Variants in CAMK1D observed in about 807,000 individuals in gnomAD.
CAMK1D encodes the protein calcium/calmodulin dependent protein kinase ID.
CAMK1D carries 9 observed loss-of-function variants against 47.7 expected under a neutral mutation model. The ratio of observed to expected loss-of-function variants is 0.19; its 90% CI spans 0.11 to 0.33. The LOEUF is 0.33. Among genes scored for constraint, CAMK1D ranks in the 10% least tolerant of loss-of-function variants. CAMK1D has a pLI of 1.00. For missense variants in CAMK1D, 291 were observed against 488.7 expected, an observed-to-expected ratio of 0.60 and a Z score of 3.81; for synonymous variants, 184 against 184.9, an observed-to-expected ratio of 0.99 and a Z score of 0.04.
At chr10:12,486,656 C>T (rs549703467) in intron 1 of CAMK1D, among the ~76,000 whole-genome samples, 17 of 152,208 alleles carry the variant, frequency 1.1e-4, no homozygotes, top group Non-Finnish European at 2.2e-4. Context: ...TTCTCTGTTA[C>T]AAGATTTTAT....
intron 2 of CAMK1D, among the ~76,000 whole-genome samples, chr10:12,567,784 C>T (rs1837170037): frequency 6.6e-6 from 1 of 152,164 alleles, no homozygotes; most frequent in Non-Finnish European, 1.5e-5. Flanking sequence ...AGGGCAAAGC[C>T]ACTTGGTACA....
chr10:12,577,138 G>A (rs1298263289), intron 2 of CAMK1D, among the ~76,000 whole-genome samples: 1 of 152,128 alleles, frequency 6.6e-6, no homozygotes, highest in Non-Finnish European at 1.5e-5. Flanking sequence ...AAGCCCTCTG[G>A]TCACTCACCC....
At chr10:12,779,367 C>A (rs1196318660) in intron 5 of CAMK1D, among the ~76,000 whole-genome samples, 1 of 152,196 alleles carries the variant, frequency 6.6e-6, no homozygotes, top group Non-Finnish European at 1.5e-5. Context: ...ACATCCGTAT[C>A]AATCACGTAA....
intron 3 of CAMK1D, among the ~76,000 whole-genome samples, chr10:12,697,762 C>G (rs1833355311): frequency 6.6e-6 from 1 of 152,152 alleles, no homozygotes; most frequent in South Asian, 2.1e-4. Flanking sequence ...GGTACTTTTC[C>G]TGCATTTCAC....
chr10:12,603,071 C>G (rs1432741541), intron 2 of CAMK1D, among the ~76,000 whole-genome samples: 1 of 151,788 alleles, frequency 6.6e-6, no homozygotes, highest in Non-Finnish European at 1.5e-5. Flanking sequence ...TCACTGCACC[C>G]GGCTAATTTT....
intron 1 of CAMK1D, among the ~76,000 whole-genome samples, chr10:12,358,211 A>G (rs1221422555): frequency 6.6e-6 from 1 of 152,104 alleles, no homozygotes; most frequent in Non-Finnish European, 1.5e-5. Flanking sequence ...GGTGACAGAG[A>G]GAGACCGTGT....
chr10:12,669,878 GAGT>G (rs976394814), intron 3 of CAMK1D, among the ~76,000 whole-genome samples: 1 of 151,858 alleles, frequency 6.6e-6, no homozygotes, highest in Admixed American at 6.6e-5. Context: ...TTTTATTGCT[GAGT>G]AGTATTCCAT....
rs574097116 is a variant in CAMK1D, at chr10:12,829,508, C to G, written c.*621C>G. The G allele has an allele frequency of 6.6e-6, 1 of 152,102 alleles. No individual in the cohort carries two copies. Among genetic ancestry groups the G allele is most frequent in the African/African-American group, 2.4e-5 (1 of 41,416 alleles). 9.4% of individuals were successfully genotyped at this position (152,102 alleles called of 1,614,324 possible). ...CAGCACGTTGGGAGGCCAAGTCGGG[C>G]GGATCACAAGGTCAGGAGATCAAGG... On this transcript the variant is annotated 3_prime_UTR_variant, in exon 11 of 11. Transcript: ENST00000619168.
At chr10:12,429,422 C>T (rs1444003536) in intron 1 of CAMK1D, among the ~76,000 whole-genome samples, 1 of 151,482 alleles carries the variant, frequency 6.6e-6, no homozygotes, top group Non-Finnish European at 1.5e-5. Context: ...TCATTGCAAC[C>T]TCTGCCTCCA....
chr10:12,602,913 A>ATTATTATTATTT (rs2132392595), intron 2 of CAMK1D, among the ~76,000 whole-genome samples: 2 of 147,460 alleles, frequency 1.4e-5, no homozygotes, highest in African/African-American at 4.9e-5. Context: ...TATTATTATT[A>ATTATTATTATTT]TTATTATTAT....
intron 1 of CAMK1D, among the ~76,000 whole-genome samples, chr10:12,356,843 G>A (rs890502496): frequency 1.4e-4 from 22 of 151,980 alleles, no homozygotes; most frequent in African/African-American, 5.3e-4. Flanking sequence ...AGAAGCTAAT[G>A]ATGACTGTGT....
chr10:12,541,273 A>C (rs961834490), intron 1 of CAMK1D, among the ~76,000 whole-genome samples: 1 of 152,234 alleles, frequency 6.6e-6, no homozygotes, highest in African/African-American at 2.4e-5. Context: ...AGTTAATGTC[A>C]GTTCTAAAAT....
chr10:12,611,089 C>T (rs1420244987), intron 2 of CAMK1D, among the ~76,000 whole-genome samples: 1 of 152,158 alleles, frequency 6.6e-6, no homozygotes, highest in Non-Finnish European at 1.5e-5. Context: ...AGTGCTTTGT[C>T]CAAGGTCACA....
intron 3 of CAMK1D, among the ~76,000 whole-genome samples, chr10:12,701,800 C>G (rs1411651062): frequency 6.6e-6 from 1 of 152,152 alleles, no homozygotes; most frequent in African/African-American, 2.4e-5. Flanking sequence ...AGGGGCTGAA[C>G]GTGACAGAAG....
At chr10:12,594,514 C>T (rs1838087284) in intron 2 of CAMK1D, among the ~76,000 whole-genome samples, 1 of 152,172 alleles carries the variant, frequency 6.6e-6, no homozygotes, top group South Asian at 2.1e-4. Context: ...CCACCACAGC[C>T]AAGAGTCAGA....
intron 6 of CAMK1D, among the ~76,000 whole-genome samples, chr10:12,794,456 TAGAG>T (rs1838107049): frequency 6.6e-6 from 1 of 152,152 alleles, no homozygotes; most frequent in Admixed American, 6.5e-5. Context: ...AGGTCCAGGA[TAGAG>T]ATCCTGGCAC....
At chr10:12,628,484 C>T (rs1173858595) in intron 2 of CAMK1D, among the ~76,000 whole-genome samples, 1 of 152,142 alleles carries the variant, frequency 6.6e-6, no homozygotes, top group Non-Finnish European at 1.5e-5. Context: ...GTGGAAAGTA[C>T]AGGGAGTTCT....
chr10:12,639,173 A>G (rs1161685604), intron 2 of CAMK1D, among the ~76,000 whole-genome samples: 2 of 152,216 alleles, frequency 1.3e-5, no homozygotes, highest in Non-Finnish European at 2.9e-5. Flanking sequence ...TGCTTTAGCA[A>G]TATAGAGAAG....
At chr10:12,444,944 T>C (rs962201919) in intron 1 of CAMK1D, among the ~76,000 whole-genome samples, 1 of 152,200 alleles carries the variant, frequency 6.6e-6, no homozygotes, top group Non-Finnish European at 1.5e-5. Flanking sequence ...TGGGATTCGC[T>C]ACAGAATGTA....
Sources: allele counts gnomAD v4.1 joint callset (sites outside exome capture counted in the v4.1 genomes callset), GRCh38; gene constraint gnomAD v4.1.1; transcripts MANE v1.5; gene names NCBI Gene and HGNC (gene_info 2026-07-23, HGNC 2026-07-21).